COL9A1: variants seen among roughly 807,000 people sequenced by gnomAD.
The protein encoded by COL9A1 is collagen type IX alpha 1 chain, also known as collagen alpha-1(IX) chain.
In COL9A1, 104 loss-of-function variants were observed where a neutral mutation model predicts 142.6. The ratio of observed to expected loss-of-function variants is 0.73; its 90% confidence interval spans 0.62 to 0.86. The LOEUF (loss-of-function observed/expected upper bound fraction) is 0.86, where lower values mean the gene tolerates loss of function less well. Ranked by LOEUF, COL9A1 falls within the 40% of genes least tolerant of loss-of-function variation. COL9A1 has a pLI of 0.00. For synonymous variants in COL9A1, 466 were observed against 396.0 expected, an observed-to-expected ratio of 1.18 and a Z score of -2.10; for missense variants, 1,210 against 1,176.6, an observed-to-expected ratio of 1.03 and a Z score of -0.42.
chr6:70,239,266 G>T lies in COL9A1; in HGVS notation c.2100C>A (p.Gly700=). The T allele has an allele frequency of 6.4e-7, 1 of 1,557,814 alleles. No individual in the cohort carries two copies. The highest frequency in any genetic ancestry group is 8.9e-7 in the Non-Finnish European group (1 of 1,129,290). The change falls in exon 33 of 38, where the codon GGC becomes GGA. Residue 700 remains glycine (G), a synonymous_variant. Coordinates refer to ENST00000357250, the MANE Select transcript of COL9A1 (RefSeq NM_001851.6). ...RGELGDIGLP[G]PKGSAGNPGE... ...TCACCATACTTACAGATCCCTTTGG[G>T]CCAGGTAATCCTATATCTCCCTAAA...
rs959164999 is a variant in COL9A1 at position 70,300,459 on chromosome 6, A to AAAT, written c.89-76_89-74dup. The AAAT allele has an allele frequency of 1.4e-3, 796 of 571,676 alleles. 6 individuals carry two copies. The highest frequency in any genetic ancestry group is 0.013 in the African/African-American group (657 of 49,948). The allele number at this position is 571,676 out of a possible 1,614,324, so 35.4% of individuals were successfully genotyped here. On this transcript the variant is annotated intron_variant, in intron 2 of 37. Coordinates refer to ENST00000357250, the MANE Select transcript of COL9A1 (RefSeq NM_001851.6). ...AGTATAATAATAATAAAATAAAATA[A>AAAT]AATAATAATAATAATAATAAAATTT...
intron 4 of COL9A1, among the ~76,000 whole-genome samples, chr6:70,296,373 T>A: frequency 6.6e-6 from 1 of 152,150 alleles, no homozygotes; most frequent in East Asian, 1.9e-4. Context: ...GTTCACTACC[T>A]ATGTTTTATA....
At chr6:70,217,697 C>A (rs1768613304) in intron 37 of COL9A1, among the ~76,000 whole-genome samples, 2 of 152,230 alleles carry the variant, frequency 1.3e-5, no homozygotes, top group Non-Finnish European at 1.5e-5. Context: ...AACATCCGGG[C>A]AGGGAGAAGT....
At chr6:70,240,117 T>A (rs1223820673) in intron 32 of COL9A1, among the ~76,000 whole-genome samples, 1 of 152,214 alleles carries the variant, frequency 6.6e-6, no homozygotes, top group Non-Finnish European at 1.5e-5. Context: ...ACCATAATGA[T>A]GAGCCTGCAA....
chr6:70,250,389 C>T (rs701692), intron 28 of COL9A1, among the ~76,000 whole-genome samples: 6,033 of 152,238 alleles, frequency 0.04, 418 homozygotes, highest in African/African-American at 0.14. Flanking sequence ...TGTGATCTGG[C>T]TATAATGTCA....
rs190824522 is a variant in COL9A1, at chr6:70,225,002, T to C, written c.2581+930A>G. Among the ~76,000 whole-genome samples, 1,145 of 152,348 alleles carry C rather than the reference T, an allele frequency of 7.5e-3. 13 individuals are homozygous for C. The highest frequency in any genetic ancestry group is 9.3e-3 in the Non-Finnish European group (635 of 68,030). ...ACAATTATAGCTGTGATTAAATACA[T>C]CAGCCTCTGGCAGAATTAGAAAATT... On this transcript the variant is annotated intron_variant, in intron 37 of 37. Coordinates refer to ENST00000357250, the MANE Select transcript of COL9A1 (RefSeq NM_001851.6).
At chr6:70,242,190 C>T in intron 29 of COL9A1, 155 bp from the exon 30 acceptor site, 1 of 716,452 alleles carries the variant, frequency 1.4e-6, no homozygotes, top group Non-Finnish European at 2.5e-6. Context: ...CTTTCATATT[C>T]TCAGGAGAAG....
At chr6:70,252,208 C>T (rs753673794) in intron 27 of COL9A1, 35 bp from the exon 28 acceptor site, 2 of 1,614,118 alleles carry the variant, frequency 1.2e-6, no homozygotes, top group Non-Finnish European at 1.7e-6. Context: ...AAAAAGTTAA[C>T]ACCTACTGAT....
intron 10 of COL9A1, among the ~76,000 whole-genome samples, chr6:70,277,776 A>G (rs1247614063): frequency 1.3e-5 from 2 of 152,224 alleles, no homozygotes; most frequent in African/African-American, 4.8e-5. Flanking sequence ...TCTTTCAACC[A>G]TCATCCAATT....
chr6:70,303,077 G>A lies in COL9A1; in HGVS notation c.-153C>T. On this transcript the variant is annotated 5_prime_UTR_variant, in exon 1 of 38. Transcript: ENST00000357250. ...CTCCTGCCCCCGGTGAGGGCTAAAA[G>A]CAAAGGGAGAGAACCAGAGGCATCT... 1.2e-6 allele frequency: 1 copy of A among 809,086 alleles called. No individual in the cohort carries two copies. The highest frequency in any genetic ancestry group is 2.2e-6 in the Non-Finnish European group (1 of 456,680). The allele number at this position is 809,086 out of a possible 1,614,324, so 50.1% of individuals were successfully genotyped here.
chr6:70,274,694 A>AATTAATGC (rs1197391191), intron 11 of COL9A1, 25 bp downstream of exon 11: 1 of 1,588,752 alleles, frequency 6.3e-7, no homozygotes, highest in East Asian at 2.2e-5. Context: ...TCGTACTAGC[A>AATTAATGC]ATTAATGCCA....
chr6:70,279,862 T>G, intron 10 of COL9A1: 1 of 465,148 alleles, frequency 2.1e-6, no homozygotes, highest in Non-Finnish European at 4.0e-6. Flanking sequence ...GGTTTTCGAG[T>G]GCTTTCTTTC....
chr6:70,225,982 C>T lies in COL9A1; in HGVS notation c.2531G>A (p.Gly844Asp). The change falls in exon 37 of 38, where the codon GGC becomes GAC. Residue 844 changes from glycine (G) to aspartate (D), a missense_variant. Coordinates refer to ENST00000357250, the MANE Select transcript of COL9A1 (RefSeq NM_001851.6). ...ACCGTTGGGACCTCTTCCTGGAGGG[C>T]CACGCTCCCCCTTTTCTCCCAAGTC... ...KGDLGEKGER[G>D]PPGRGPNGLP... 6.2e-7 allele frequency: 1 copy of T among 1,613,894 alleles called. No homozygotes were observed. The highest frequency in any genetic ancestry group is 8.5e-7 in the Non-Finnish European group (1 of 1,179,926).
At chr6:70,302,827 C>T in intron 1 of COL9A1, 84 bp downstream of exon 1, 1 of 1,450,538 alleles carries the variant, frequency 6.9e-7, no homozygotes, top group Admixed American at 1.7e-5. Context: ...TCTCATCTTA[C>T]CACTGCTGCA....
At position 70,254,453 on chromosome 6, in the gene COL9A1, C is replaced by CA. The variant is rs764622667; in HGVS notation, c.1719+22dup. Reference sequence around the variant, plus strand: ...TAAAACATGTATATAAACCAATTAACATGTAAAGAATCAAATACTTACTGG... The same window carrying CA: ...TAAAACATGTATATAAACCAATTAACAATGTAAAGAATCAAATACTTACTGG... On this transcript the variant is annotated intron_variant, in intron 25 of 37. Coordinates refer to ENST00000357250, the MANE Select transcript of COL9A1 (RefSeq NM_001851.6). 20 of 1,611,472 alleles carry CA rather than the reference C, an allele frequency of 1.2e-5. 1 individual carries two copies. In the Middle Eastern group the frequency reaches 1.5e-3, roughly 119 times the overall value.
At chr6:70,290,111 T>A (rs1199626627) in intron 5 of COL9A1, among the ~76,000 whole-genome samples, 1 of 152,154 alleles carries the variant, frequency 6.6e-6, no homozygotes, top group East Asian at 1.9e-4. Context: ...AAGGATGGTT[T>A]GAATCATATG....
At chr6:70,270,270 T>G (rs771344888) in intron 15 of COL9A1, 44 bp downstream of exon 15, 13 of 1,584,540 alleles carry the variant, frequency 8.2e-6, no homozygotes, top group Non-Finnish European at 1.0e-5. Flanking sequence ...TTTTCAACCC[T>G]GACTCTCAGA....
chr6:70,286,320 T>G (rs1773449445), intron 5 of COL9A1, among the ~76,000 whole-genome samples: 1 of 152,212 alleles, frequency 6.6e-6, no homozygotes. Context: ...AGGTTAACGA[T>G]TTCTACTTAT....
intron 17 of COL9A1, among the ~76,000 whole-genome samples, chr6:70,267,878 A>AGGGC (rs1179572480): frequency 1.3e-5 from 2 of 152,180 alleles, no homozygotes; most frequent in African/African-American, 2.4e-5. Flanking sequence ...GAACCCACCA[A>AGGGC]AACTACCCTT....
Sources: allele counts gnomAD v4.1 joint callset (sites outside exome capture counted in the v4.1 genomes callset), GRCh38; gene constraint gnomAD v4.1.1; transcripts MANE v1.5; gene names NCBI Gene and HGNC (gene_info 2026-07-23, HGNC 2026-07-21).